The following XPR1 variants were observed in gnomAD, a reference collection of about 807,000 sequenced individuals.
XPR1 encodes the protein solute carrier family 53 member 1.
In XPR1, 28 loss-of-function variants were observed where a neutral mutation model predicts 87.5. The ratio of observed to expected loss-of-function variants is 0.32; its 90% CI spans 0.24 to 0.44. The LOEUF is 0.44. Among genes scored for constraint, XPR1 ranks in the 20% least tolerant of loss-of-function variants. The pLI is 1.00. For synonymous variants in XPR1, 300 were observed against 306.1 expected (o/e 0.98, Z 0.21); for missense variants, 559 against 862.3 (o/e 0.65, Z 4.41).
intron 6 of XPR1, among the ~76,000 whole-genome samples, chr1:180,809,899 T>C (rs1650147551): frequency 6.6e-6 from 1 of 152,144 alleles, no homozygotes; most frequent in Non-Finnish European, 1.5e-5. Flanking sequence ...TTTGGATGCT[T>C]TCAGTCAGAA....
chr1:180,670,905 A>T (rs1169215722), intron 1 of XPR1, among the ~76,000 whole-genome samples: 1 of 152,146 alleles, frequency 6.6e-6, no homozygotes, highest in Non-Finnish European at 1.5e-5. Flanking sequence ...CTCTTTTAGT[A>T]CTTTGACTAT....
chr1:180,885,845 ACT>A lies in XPR1; in HGVS notation c.*1781_*1782del, dbSNP rs1400957519. ...CAAGTCTTGACCCATCCCTGTCGTAACTCCAGTAAAAGTTACTGTTACTAGAA... is the reference window on the plus strand; with the variant it reads ...CAAGTCTTGACCCATCCCTGTCGTAACCAGTAAAAGTTACTGTTACTAGAA... On this transcript the variant is annotated 3_prime_UTR_variant, in exon 15 of 15. Coordinates refer to ENST00000367590, the MANE Select transcript of XPR1 (RefSeq NM_004736.4). 6.6e-6 allele frequency: 1 copy of A among 152,190 alleles called. No individual in the cohort carries two copies. The highest frequency in any genetic ancestry group is 1.5e-5 in the Non-Finnish European group (1 of 68,024). 9.4% of individuals were successfully genotyped at this position (152,190 alleles called of 1,614,324 possible). A position where few individuals can be genotyped will look rare whatever the true frequency, so the allele number is the denominator to read the frequency against.
intron 2 of XPR1, among the ~76,000 whole-genome samples, chr1:180,749,639 TCA>T (rs139363505): frequency 0.079 from 11,178 of 142,290 alleles, 718 homozygotes; most frequent in African/African-American, 0.18. Flanking sequence ...CACATATACA[TCA>T]CACACACACA....
At chr1:180,770,330 G>A (rs1184919444) in intron 2 of XPR1, among the ~76,000 whole-genome samples, 1 of 152,164 alleles carries the variant, frequency 6.6e-6, no homozygotes, top group Non-Finnish European at 1.5e-5. Context: ...AGCATGGTTG[G>A]TTCTGGTGAG....
intron 1 of XPR1, among the ~76,000 whole-genome samples, chr1:180,659,512 A>T: frequency 8.0e-6 from 1 of 125,454 alleles, no homozygotes; most frequent in African/African-American, 3.3e-5. Flanking sequence ...TCTGTTGCCC[A>T]GGCTGGAGTG....
chr1:180,839,846 A>G (rs1353782316), intron 11 of XPR1, among the ~76,000 whole-genome samples: 3 of 152,244 alleles, frequency 2.0e-5, no homozygotes, highest in Non-Finnish European at 4.4e-5. Context: ...GATTCTAATG[A>G]AAGAAAAGGA....
At chr1:180,725,589 A>G (rs1464969354) in intron 2 of XPR1, among the ~76,000 whole-genome samples, 1 of 152,220 alleles carries the variant, frequency 6.6e-6, no homozygotes, top group Non-Finnish European at 1.5e-5. Flanking sequence ...AAAGAGAAAC[A>G]TATTTTTGCA....
At chr1:180,694,773 G>GCGCACA (rs1553237455) in intron 2 of XPR1, among the ~76,000 whole-genome samples, 5 of 149,512 alleles carry the variant, frequency 3.3e-5, no homozygotes, top group South Asian at 4.2e-4. Flanking sequence ...ATTGTTGTGT[G>GCGCACA]CACACACACA....
At chr1:180,818,420 G>A (rs1396013723) in intron 7 of XPR1, among the ~76,000 whole-genome samples, 1 of 151,702 alleles carries the variant, frequency 6.6e-6, no homozygotes, top group Non-Finnish European at 1.5e-5. Context: ...AGATTGTAGG[G>A]TTATTACATC....
chr1:180,727,086 A>C (rs1406675017), intron 2 of XPR1, among the ~76,000 whole-genome samples: 1 of 151,904 alleles, frequency 6.6e-6, no homozygotes, highest in Non-Finnish European at 1.5e-5. Context: ...CATGGTCTCT[A>C]TCTCCTGACC....
chr1:180,650,346 C>T (rs1479660736), intron 1 of XPR1, among the ~76,000 whole-genome samples: 8 of 152,140 alleles, frequency 5.3e-5, no homozygotes, highest in Non-Finnish European at 1.2e-4. Context: ...AGGGATCCTC[C>T]TGCCTCAGCT....
chr1:180,762,523 A>G (rs1216361362), intron 2 of XPR1, among the ~76,000 whole-genome samples: 1 of 152,194 alleles, frequency 6.6e-6, no homozygotes, highest in Non-Finnish European at 1.5e-5. Flanking sequence ...TAAAACAAGC[A>G]AAGATCTTTC....
intron 2 of XPR1, among the ~76,000 whole-genome samples, chr1:180,755,080 A>C (rs969381669): frequency 6.6e-6 from 1 of 151,778 alleles, no homozygotes; most frequent in Non-Finnish European, 1.5e-5. Flanking sequence ...ACTAGAATGA[A>C]CCCTAATGGT....
At chr1:180,873,002 CTTTG>C (rs1376971950) in intron 12 of XPR1, among the ~76,000 whole-genome samples, 1 of 151,080 alleles carries the variant, frequency 6.6e-6, no homozygotes, top group Non-Finnish European at 1.5e-5. Flanking sequence ...ACTAGTATTA[CTTTG>C]TTTAAAAATT....
At chr1:180,821,957 T>C (rs1650642342) in intron 7 of XPR1, among the ~76,000 whole-genome samples, 1 of 152,228 alleles carries the variant, frequency 6.6e-6, no homozygotes. Flanking sequence ...GTTATTTTTG[T>C]TTCCTGACTG....
intron 7 of XPR1, among the ~76,000 whole-genome samples, chr1:180,814,576 GTTCA>G (rs1208613975): frequency 1.3e-5 from 2 of 152,048 alleles, no homozygotes; most frequent in East Asian, 1.9e-4. Context: ...GTTGTTTAGG[GTTCA>G]TTCATTCATT....
chr1:180,855,738 G>GA (rs1652007891), intron 11 of XPR1, among the ~76,000 whole-genome samples: 1 of 151,678 alleles, frequency 6.6e-6, no homozygotes, highest in Admixed American at 6.6e-5. Context: ...TCCTAACTCA[G>GA]CCTTTTCCTC....
At chr1:180,838,599 C>T (rs981802450) in intron 11 of XPR1, among the ~76,000 whole-genome samples, 2 of 152,056 alleles carry the variant, frequency 1.3e-5, no homozygotes, top group Non-Finnish European at 1.5e-5. Flanking sequence ...TTTTATAAAC[C>T]GTATTACCTT....
intron 2 of XPR1, among the ~76,000 whole-genome samples, chr1:180,731,377 C>G (rs566740473): frequency 1.3e-5 from 2 of 152,264 alleles, no homozygotes; most frequent in South Asian, 4.1e-4. Flanking sequence ...ATCTCCCTGA[C>G]TGACTAAAAC....
Sources: allele counts gnomAD v4.1 joint callset (sites outside exome capture counted in the v4.1 genomes callset), GRCh38; gene constraint gnomAD v4.1.1; transcripts MANE v1.5; gene names NCBI Gene and HGNC (gene_info 2026-07-23, HGNC 2026-07-21).